Variants in EMCN observed in about 807,000 individuals in gnomAD.
EMCN encodes the protein MUC-14.
Under a neutral mutation model 38.4 loss-of-function variants are expected in EMCN, and 37 were observed. That is an observed-to-expected ratio of 0.96 (90% confidence interval 0.74 to 1.27). The LOEUF (loss-of-function observed/expected upper bound fraction) is 1.27. EMCN is among the 50% of genes most tolerant of loss of function. The pLI is 0.00. For synonymous variants in EMCN, 95 were observed against 100.8 expected (o/e 0.94, Z 0.35); for missense variants, 318 against 302.8 (o/e 1.05, Z -0.37).
intron 5 of EMCN, among the ~76,000 whole-genome samples, chr4:100,437,007 TC>T (rs1207007810): frequency 6.6e-6 from 1 of 152,114 alleles, no homozygotes; most frequent in Admixed American, 6.6e-5. Flanking sequence ...CATCTGCACA[TC>T]CTGCACATAC....
At chr4:100,473,955 A>C (rs1728564944) in intron 3 of EMCN, 1 of 152,976 alleles carries the variant, frequency 6.5e-6, no homozygotes, top group African/African-American at 2.4e-5. Flanking sequence ...AAAGCTCCAA[A>C]GCACTTCCCA....
intron 10 of EMCN, 75 bp downstream of exon 10, chr4:100,415,823 A>G (rs977538410): frequency 8.7e-5 from 88 of 1,014,958 alleles, no homozygotes; most frequent in Non-Finnish European, 9.2e-5. Context: ...TATGTTTCAC[A>G]TGAACAAAAT....
At chr4:100,503,693 C>T (rs1729407519) in intron 1 of EMCN, among the ~76,000 whole-genome samples, 1 of 152,090 alleles carries the variant, frequency 6.6e-6, no homozygotes, top group African/African-American at 2.4e-5. Context: ...ATCTTACCAC[C>T]TCAGGAAGCT....
rs1434160675 is a variant in EMCN, at chr4:100,469,633, T to TCAAACTAAA, written c.260-4095_260-4094insTTTAGTTTG. On this transcript the variant is annotated intron_variant, in intron 3 of 11. Transcript: ENST00000296420. ...ATGGTGTAAAGAAGGGGTACAGTTT[T>TCAAACTAAA]AATCTTCTGCATATGGCTAGCCAAT... Among the ~76,000 whole-genome samples the TCAAACTAAA allele has an allele frequency of 2.4e-4, 15 of 61,360 alleles. 1 individual carries two copies. The highest frequency in any genetic ancestry group is 2.3e-3 in the South Asian group (4 of 1,762). The allele number at this position is 61,360 out of a possible 152,430, so 40.3% of individuals were successfully genotyped here.
intron 7 of EMCN, among the ~76,000 whole-genome samples, chr4:100,422,772 A>G (rs1726923649): frequency 6.7e-6 from 1 of 150,128 alleles, no homozygotes. Context: ...AAAAATTGCC[A>G]AACTGTGCTT....
At chr4:100,509,637 T>A (rs762782027) in intron 1 of EMCN, among the ~76,000 whole-genome samples, 1 of 152,190 alleles carries the variant, frequency 6.6e-6, no homozygotes, top group Non-Finnish European at 1.5e-5. Flanking sequence ...GTATTTCTTT[T>A]CCCACTTCAG....
At chr4:100,477,556 A>T (rs993207725) in intron 2 of EMCN, among the ~76,000 whole-genome samples, 2 of 152,216 alleles carry the variant, frequency 1.3e-5, no homozygotes, top group African/African-American at 2.4e-5. Flanking sequence ...TTTTTTGATG[A>T]TAGAATTTCT....
chr4:100,415,983 A>G (rs1248494888), intron 9 of EMCN, 24 bp from the exon 10 acceptor site: 1 of 1,496,302 alleles, frequency 6.7e-7, no homozygotes, highest in South Asian at 1.2e-5. Flanking sequence ...AAAACATGAA[A>G]TTAACACCAC....
chr4:100,454,912 T>C (rs1355861367), intron 4 of EMCN, among the ~76,000 whole-genome samples: 4 of 152,194 alleles, frequency 2.6e-5, no homozygotes, highest in African/African-American at 4.8e-5. Flanking sequence ...TCCTGTCTTT[T>C]GTTTTTAATA....
At chr4:100,465,870 T>C (rs536805398) in intron 3 of EMCN, among the ~76,000 whole-genome samples, 5 of 152,136 alleles carry the variant, frequency 3.3e-5, no homozygotes, top group Non-Finnish European at 5.9e-5. Context: ...ACATAACTTA[T>C]AATAGGAGAG....
intron 5 of EMCN, among the ~76,000 whole-genome samples, chr4:100,428,317 C>T (rs1215737414): frequency 6.6e-6 from 1 of 152,030 alleles, no homozygotes; most frequent in Non-Finnish European, 1.5e-5. Flanking sequence ...TGACTCACTT[C>T]CTTCTTGTAT....
Position 100,423,399 on chromosome 4 carries a change from C to T in EMCN, c.421G>A (p.Val141Ile), listed in dbSNP as rs1726948051. Residue 141 changes from valine to isoleucine, a missense_variant, in exon 6 of 12, where the codon GTT (valine) becomes ATT (isoleucine). Physicochemically the swap from Val to Ile is conservative, Grantham distance 29. Transcript: ENST00000296420. ...GAAGGTGATGCATCTGGTTGTAGAA[C>T]ACTACCTGTATGAAAATTACAAATG... ...SIKTTEIPGS[V>I]LQPDASPSKT... 2.5e-6 allele frequency: 4 copies of T among 1,607,994 alleles called. No homozygotes were observed. The highest frequency in any genetic ancestry group is 1.1e-5 in the South Asian group (1 of 90,936).
At chr4:100,453,074 C>A (rs1727893415) in intron 4 of EMCN, among the ~76,000 whole-genome samples, 1 of 152,008 alleles carries the variant, frequency 6.6e-6, no homozygotes, top group African/African-American at 2.4e-5. Context: ...CCATAAAAAC[C>A]CTAGAAGAAA....
chr4:100,490,849 T>C (rs1167040655), intron 1 of EMCN, among the ~76,000 whole-genome samples: 1 of 151,940 alleles, frequency 6.6e-6, no homozygotes, highest in African/African-American at 2.4e-5. Context: ...TTTTTTATAG[T>C]AGCCATTCTA....
intron 5 of EMCN, among the ~76,000 whole-genome samples, chr4:100,436,688 G>A (rs963944927): frequency 6.6e-6 from 1 of 152,144 alleles, no homozygotes; most frequent in Non-Finnish European, 1.5e-5. Flanking sequence ...GCCATAAAAA[G>A]TAATGAGATC....
intron 1 of EMCN, among the ~76,000 whole-genome samples, chr4:100,489,267 C>A (rs943380711): frequency 1.2e-4 from 19 of 152,102 alleles, no homozygotes; most frequent in Non-Finnish European, 2.4e-4. Context: ...ACTCTGATGA[C>A]TTTAAAGAGT....
intron 3 of EMCN, among the ~76,000 whole-genome samples, chr4:100,471,267 T>C (rs1027103024): frequency 1.3e-5 from 2 of 151,946 alleles, no homozygotes; most frequent in African/African-American, 4.8e-5. Context: ...GGATTCATTA[T>C]TACCAACCTT....
At chr4:100,436,334 T>A (rs1229665079) in intron 5 of EMCN, among the ~76,000 whole-genome samples, 1 of 152,080 alleles carries the variant, frequency 6.6e-6, no homozygotes, top group East Asian at 1.9e-4. Context: ...CCAGTCAGAA[T>A]CACGATTGTT....
intron 8 of EMCN, among the ~76,000 whole-genome samples, chr4:100,421,030 A>G (rs921973173): frequency 6.6e-6 from 1 of 152,000 alleles, no homozygotes; most frequent in Non-Finnish European, 1.5e-5. Flanking sequence ...GACCACCCAT[A>G]AAATTTGGGC....
Sources: gnomAD v4.1 joint callset for allele counts (sites outside exome capture counted in the v4.1 genomes callset) on GRCh38, gnomAD v4.1.1 for gene constraint, MANE v1.5 for transcripts, NCBI Gene and HGNC (gene_info 2026-07-23, HGNC 2026-07-21) for gene names.